ZRANB3: variants seen among roughly 807,000 people sequenced by gnomAD.
ZRANB3 encodes DNA annealing helicase and endonuclease ZRANB3.
Under a neutral mutation model 133.8 loss-of-function variants are expected in ZRANB3, and 125 were observed. The observed-to-expected ratio is 0.93, with a 90% confidence interval of 0.81 to 1.08. The LOEUF (loss-of-function observed/expected upper bound fraction) is 1.08, where lower values mean the gene tolerates loss of function less well. Among genes scored for constraint, ZRANB3 ranks in the 50% least tolerant of loss-of-function variants. The pLI is 0.00. For missense variants in ZRANB3, 1,229 were observed against 1,275.5 expected (o/e 0.96, Z 0.56); for synonymous variants, 387 against 432.7 (o/e 0.89, Z 1.31).
At chr2:135,210,765 T>C (rs976054743) in intron 17 of ZRANB3, among the ~76,000 whole-genome samples, 4 of 152,146 alleles carry the variant, frequency 2.6e-5, no homozygotes, top group African/African-American at 4.8e-5. Context: ...AGTCTGCTAA[T>C]AGTGATAGGT....
In ZRANB3 at chr2:135,200,753, GTT is replaced by G. The variant is rs373759295; in HGVS notation, c.3142-315_3142-314del. 1.4e-3 allele frequency among the ~76,000 whole-genome samples: 171 copies of G among 126,408 alleles called. 1 individual carries two copies. The highest frequency in any genetic ancestry group is 4.0e-3 in the Middle Eastern group (1 of 252). The allele number at this position is 126,408 out of a possible 152,430, so 82.9% of individuals were successfully genotyped here. On this transcript the variant is annotated intron_variant, in intron 20 of 20. Transcript: ENST00000264159. ...CCTGATTCTCCCATCCAAGTGGGAG[GTT>G]TTTTTTTTTTTTTTTTTTGAGATGG...
chr2:135,463,599 T>G (rs1217874854), intron 2 of ZRANB3, among the ~76,000 whole-genome samples: 2 of 152,070 alleles, frequency 1.3e-5, no homozygotes, highest in African/African-American at 4.8e-5. Context: ...TTGTTTATCG[T>G]AGAGTCGGGG....
intron 4 of ZRANB3, among the ~76,000 whole-genome samples, chr2:135,351,779 G>A (rs991614272): frequency 2.0e-5 from 3 of 152,078 alleles, no homozygotes; most frequent in Admixed American, 6.6e-5. Flanking sequence ...GGACATATTG[G>A]TATACACCTA....
chr2:135,365,216 A>T (rs1339214220), intron 3 of ZRANB3, among the ~76,000 whole-genome samples: 1 of 151,628 alleles, frequency 6.6e-6, no homozygotes, highest in African/African-American at 2.4e-5. Context: ...GCAGTAAGTC[A>T]GGATTGCACC....
intron 19 of ZRANB3, among the ~76,000 whole-genome samples, chr2:135,204,713 G>A (rs1202265008): frequency 7.5e-6 from 1 of 133,840 alleles, no homozygotes; most frequent in East Asian, 2.0e-4. Flanking sequence ...TATATTATAT[G>A]TTTTATTATA....
rs190206718 is a variant in ZRANB3, at chr2:135,455,884, G to A, written c.161+48445C>T. Among the ~76,000 whole-genome samples the A allele has an allele frequency of 2.2e-4, 34 of 152,054 alleles. 1 individual carries two copies. The highest frequency in any genetic ancestry group is 1.9e-3 in the Admixed American group (29 of 15,262). ...GCTGGGATTACAGGCATGAGCCACCGCGCCCGGCCCAACTATTGATTTTTT... is the reference window on the plus strand; with the variant it reads ...GCTGGGATTACAGGCATGAGCCACCACGCCCGGCCCAACTATTGATTTTTT... On this transcript the variant is annotated intron_variant, in intron 2 of 20. Transcript: ENST00000264159.
At chr2:135,264,239 G>A (rs575557942) in intron 12 of ZRANB3, among the ~76,000 whole-genome samples, 3 of 151,676 alleles carry the variant, frequency 2.0e-5, no homozygotes, top group African/African-American at 7.2e-5. Context: ...TTGGAAGGCC[G>A]AGGTGGGCAG....
chr2:135,273,393 A>G (rs1467800985), intron 9 of ZRANB3, among the ~76,000 whole-genome samples: 56 of 152,294 alleles, frequency 3.7e-4, no homozygotes. Flanking sequence ...TTCTGTCCTC[A>G]AAGAGCAAGT....
chr2:135,344,016 A>G (rs1021819716), intron 6 of ZRANB3, among the ~76,000 whole-genome samples: 1 of 152,230 alleles, frequency 6.6e-6, no homozygotes, highest in Non-Finnish European at 1.5e-5. Flanking sequence ...TTTCACTTCT[A>G]TAACTTTATC....
chr2:135,385,371 G>T (rs1345902992), intron 3 of ZRANB3, among the ~76,000 whole-genome samples: 2 of 152,188 alleles, frequency 1.3e-5, no homozygotes, highest in African/African-American at 4.8e-5. Context: ...AACATTCCAT[G>T]CTCATGGGTA....
intron 6 of ZRANB3, among the ~76,000 whole-genome samples, chr2:135,341,761 C>G (rs934669806): frequency 6.7e-6 from 1 of 150,024 alleles, no homozygotes; most frequent in Non-Finnish European, 1.5e-5. Context: ...AATGGCCGCT[C>G]TGGGAGTGTC....
intron 2 of ZRANB3, among the ~76,000 whole-genome samples, chr2:135,492,507 G>A (rs1692435251): frequency 6.6e-6 from 1 of 152,070 alleles, no homozygotes; most frequent in Non-Finnish European, 1.5e-5. Context: ...TTAACTGTAA[G>A]GTGTCTGCTC....
chr2:135,511,272 G>A (rs751083521), intron 1 of ZRANB3: 54 of 1,024,360 alleles, frequency 5.3e-5, no homozygotes, highest in Admixed American at 1.4e-4. Flanking sequence ...AGCATCCTCA[G>A]GAGCAGTTTC....
chr2:135,486,807 C>T (rs541467789), intron 2 of ZRANB3, among the ~76,000 whole-genome samples: 26 of 152,276 alleles, frequency 1.7e-4, no homozygotes, highest in African/African-American at 6.0e-4. Flanking sequence ...GCCACTGCAC[C>T]CGGTCCCCTC....
At chr2:135,239,887 G>C (rs1192960894) in intron 12 of ZRANB3, among the ~76,000 whole-genome samples, 1 of 151,900 alleles carries the variant, frequency 6.6e-6, no homozygotes, top group Non-Finnish European at 1.5e-5. Context: ...GGGAGACTGA[G>C]GCAGAAGAAC....
chr2:135,485,201 A>T (rs1408358684), intron 2 of ZRANB3, among the ~76,000 whole-genome samples: 1 of 150,778 alleles, frequency 6.6e-6, no homozygotes, highest in Non-Finnish European at 1.5e-5. Context: ...AACATAACAT[A>T]ACATAACATA....
chr2:135,410,665 C>T (rs957099350), intron 2 of ZRANB3, among the ~76,000 whole-genome samples: 1 of 152,014 alleles, frequency 6.6e-6, no homozygotes, highest in Admixed American at 6.6e-5. Context: ...AAACAATCAA[C>T]AGAGTAAACA....
At chr2:135,509,629 G>A (rs1693350162) in intron 1 of ZRANB3, among the ~76,000 whole-genome samples, 1 of 152,032 alleles carries the variant, frequency 6.6e-6, no homozygotes, top group African/African-American at 2.4e-5. Flanking sequence ...GGAATATTTT[G>A]TCTTTTGTTT....
intron 1 of ZRANB3, among the ~76,000 whole-genome samples, chr2:135,527,121 G>A (rs1694195924): frequency 6.6e-6 from 1 of 152,140 alleles, no homozygotes. Context: ...GACCTCCCGA[G>A]GGCTGTGTCA....
Sources: allele counts gnomAD v4.1 joint callset (sites outside exome capture counted in the v4.1 genomes callset), GRCh38; gene constraint gnomAD v4.1.1; transcripts MANE v1.5; gene names NCBI Gene and HGNC (gene_info 2026-07-23, HGNC 2026-07-21).